The following TNKS variants were observed in gnomAD, a reference collection of about 807,000 sequenced individuals.
TNKS encodes the protein poly [ADP-ribose] polymerase tankyrase-1.
A neutral mutation model predicts 135.8 loss-of-function variants in TNKS; 72 were observed. The observed-to-expected ratio is 0.53, with a 90% CI of 0.44 to 0.64. The LOEUF is 0.64. TNKS is among the 30% of genes least tolerant of loss of function. The probability of loss-of-function intolerance (pLI) is 0.00; values close to 1 mark genes in which losing one functional copy is unlikely to be tolerated. For missense variants in TNKS, 1,769 were observed against 1,674.0 expected, an observed-to-expected ratio of 1.06 and a Z score of -0.99; for synonymous variants, 849 against 649.3, an observed-to-expected ratio of 1.31 and a Z score of -4.68.
intron 3 of TNKS, among the ~76,000 whole-genome samples, chr8:9,626,411 G>C (rs10903315): frequency 2.6e-5 from 4 of 152,014 alleles, no homozygotes; most frequent in Non-Finnish European, 5.9e-5. Flanking sequence ...AATTCCTCAC[G>C]TCTAGAACTG....
intron 1 of TNKS, chr8:9,557,134 C>T (rs1041755455): frequency 1.3e-5 from 2 of 158,266 alleles, no homozygotes; most frequent in African/African-American, 2.4e-5. Flanking sequence ...GCAGTCTAGA[C>T]GGGGAGACCA....
intron 12 of TNKS, among the ~76,000 whole-genome samples, chr8:9,722,962 G>C (rs906333132): frequency 2.8e-4 from 42 of 150,862 alleles, no homozygotes; most frequent in South Asian, 1.1e-3. Context: ...ACTAAATACT[G>C]AATACAAATG....
intron 3 of TNKS, among the ~76,000 whole-genome samples, chr8:9,639,346 C>T (rs1009481864): frequency 6.6e-6 from 1 of 152,098 alleles, no homozygotes; most frequent in South Asian, 2.1e-4. Context: ...AGCTTATGAA[C>T]AGTTTATTGC....
At chr8:9,756,128 G>C (rs2128830678) in intron 20 of TNKS, among the ~76,000 whole-genome samples, 1 of 152,160 alleles carries the variant, frequency 6.6e-6, no homozygotes, top group East Asian at 1.9e-4. Flanking sequence ...GACTGCTTGT[G>C]GACATTTTTA....
At chr8:9,569,511 T>G (rs958006840) in intron 1 of TNKS, among the ~76,000 whole-genome samples, 9 of 152,250 alleles carry the variant, frequency 5.9e-5, no homozygotes, top group African/African-American at 1.9e-4. Context: ...CTTATATAGT[T>G]GTAGTTTGTT....
At position 9,688,815 on chromosome 8, in the gene TNKS, A is replaced by G. The variant is rs529168706; in HGVS notation, c.1107+8015A>G. On this transcript the variant is annotated intron_variant, in intron 5 of 26. Transcript: ENST00000310430. ...CCACCATACCCAGCTAATTTTTTGT[A>G]TTTTTAGTAGAGATGGCGTTTCACT... Among the ~76,000 whole-genome samples, 11 of 152,034 alleles carry G rather than the reference A, an allele frequency of 7.2e-5. No homozygotes were observed. In the South Asian group the frequency reaches 2.1e-3, roughly 29 times the overall value.
chr8:9,581,789 T>G (rs535719195), intron 2 of TNKS, among the ~76,000 whole-genome samples: 3 of 152,194 alleles, frequency 2.0e-5, no homozygotes, highest in African/African-American at 7.2e-5. Context: ...TTATCAGTCC[T>G]TTGAATATCT....
intron 12 of TNKS, among the ~76,000 whole-genome samples, chr8:9,720,906 A>T (rs988644330): frequency 2.0e-5 from 3 of 152,204 alleles, no homozygotes; most frequent in African/African-American, 7.2e-5. Flanking sequence ...AATTGTTCCT[A>T]CCTGTGTAAA....
At chr8:9,752,479 A>G in intron 19 of TNKS, 65 bp from the exon 20 acceptor site, 1 of 1,233,020 alleles carries the variant, frequency 8.1e-7, no homozygotes, top group Non-Finnish European at 1.2e-6. Context: ...GTCTAAATGG[A>G]TACTGAAATT....
chr8:9,772,388 G>A (rs758091814), intron 26 of TNKS: 45 of 455,244 alleles, frequency 9.9e-5, no homozygotes, highest in Middle Eastern at 3.2e-4. Context: ...CTAAAGGCAC[G>A]ACATCTCTGC....
At chr8:9,772,880 G>C (rs559698981) in intron 26 of TNKS, among the ~76,000 whole-genome samples, 58 of 146,440 alleles carry the variant, frequency 4.0e-4, no homozygotes, top group African/African-American at 1.4e-3. Context: ...GTGTGGGTGT[G>C]GGTGTATCTA....
At chr8:9,649,251 A>C (rs554889958) in intron 3 of TNKS, among the ~76,000 whole-genome samples, 2 of 152,320 alleles carry the variant, frequency 1.3e-5, no homozygotes, top group South Asian at 4.1e-4. Context: ...TTTTGACAGC[A>C]GTCAGTCAAC....
intron 3 of TNKS, among the ~76,000 whole-genome samples, chr8:9,632,948 C>T (rs1033144352): frequency 6.6e-6 from 1 of 152,162 alleles, no homozygotes; most frequent in Non-Finnish European, 1.5e-5. Flanking sequence ...CCAGGATGGT[C>T]TCAATCTCCT....
At chr8:9,774,247 G>C (rs1046470063) in intron 26 of TNKS, among the ~76,000 whole-genome samples, 1 of 152,194 alleles carries the variant, frequency 6.6e-6, no homozygotes, top group African/African-American at 2.4e-5. Context: ...TTACTGAACT[G>C]ATGTGAACAA....
At chr8:9,630,225 A>C (rs900332194) in intron 3 of TNKS, among the ~76,000 whole-genome samples, 1 of 151,924 alleles carries the variant, frequency 6.6e-6, no homozygotes, top group African/African-American at 2.4e-5. Flanking sequence ...GTTCATTGTT[A>C]TGGTTCCCGC....
intron 1 of TNKS, among the ~76,000 whole-genome samples, chr8:9,565,226 A>C (rs1797479587): frequency 6.6e-6 from 1 of 152,076 alleles, no homozygotes. Flanking sequence ...CTTTTTTTTA[A>C]GCTGTTTTTT....
At chr8:9,688,641 T>C (rs1803120176) in intron 5 of TNKS, among the ~76,000 whole-genome samples, 2 of 152,066 alleles carry the variant, frequency 1.3e-5, no homozygotes, top group East Asian at 1.9e-4. Flanking sequence ...TTTTCTTTTC[T>C]TTTCTTTTTT....
chr8:9,679,803 G>C, intron 3 of TNKS, 148 bp from the exon 4 acceptor site: 1 of 573,404 alleles, frequency 1.7e-6, no homozygotes, highest in East Asian at 2.8e-5. Flanking sequence ...GCCTTCACAA[G>C]CTGGCTAACG....
rs914580306 is a variant in TNKS, at chr8:9,779,441, C to G, written c.*2705C>G. On this transcript the variant is annotated 3_prime_UTR_variant, in exon 27 of 27. Transcript: ENST00000310430. The stretch of plus-strand genomic sequence containing the variant: ...AACCACATGGAAGAAAGAATCTGAA[C>G]GTCTCCACCGGCTCTACCCGAGTTC... The G allele has an allele frequency of 7.9e-5, 12 of 151,916 alleles. No individual in the cohort carries two copies. The highest frequency in any genetic ancestry group is 6.6e-4 in the Admixed American group (10 of 15,260). 9.4% of individuals were successfully genotyped at this position (151,916 alleles called of 1,614,324 possible). A position where few individuals can be genotyped will look rare whatever the true frequency, so the allele number is the denominator to read the frequency against.
Sources: gnomAD v4.1 joint callset for allele counts (sites outside exome capture counted in the v4.1 genomes callset) on GRCh38, gnomAD v4.1.1 for gene constraint, MANE v1.5 for transcripts, NCBI Gene and HGNC (gene_info 2026-07-23, HGNC 2026-07-21) for gene names.